ARHGAP17: variants seen among roughly 807,000 people sequenced by gnomAD.
ARHGAP17 encodes Rho GTPase activating protein 17.
ARHGAP17 carries 57 observed loss-of-function variants against 99.5 expected under a neutral mutation model. That is an observed-to-expected ratio of 0.57 (90% CI 0.46 to 0.71). ARHGAP17 has a LOEUF of 0.71. Ranked by LOEUF, ARHGAP17 falls within the 30% of genes least tolerant of loss-of-function variation. ARHGAP17 has a pLI of 0.00. For missense variants in ARHGAP17, 1,000 were observed against 1,122.4 expected (o/e 0.89, Z 1.56); for synonymous variants, 417 against 429.6 (o/e 0.97, Z 0.36).
intron 19 of ARHGAP17, among the ~76,000 whole-genome samples, chr16:24,928,290 A>AT (rs1361543414): frequency 6.6e-6 from 1 of 152,216 alleles, no homozygotes; most frequent in East Asian, 1.9e-4. Context: ...TAATACAAAG[A>AT]TAACTCTGGT....
chr16:24,939,921 C>G (rs2051265258), intron 16 of ARHGAP17: 1 of 344,606 alleles, frequency 2.9e-6, no homozygotes, highest in East Asian at 8.6e-5. Context: ...TTTTTTTCCC[C>G]CTTTAGACAT....
intron 1 of ARHGAP17, among the ~76,000 whole-genome samples, chr16:24,982,940 T>A (rs1488527125): frequency 1.0e-4 from 12 of 114,772 alleles, no homozygotes; most frequent in Non-Finnish European, 2.0e-4. Context: ...AGTGATCCAA[T>A]CATAAAAAAT....
intron 1 of ARHGAP17, among the ~76,000 whole-genome samples, chr16:24,993,935 C>A (rs1052925321): frequency 6.6e-6 from 1 of 152,172 alleles, no homozygotes; most frequent in Admixed American, 6.5e-5. Flanking sequence ...CATTTTGAAA[C>A]CTTCCAAACT....
In ARHGAP17 at chr16:24,995,955, TGG is replaced by T. The variant is rs548087521; in HGVS notation, c.54-16952_54-16951del. Among the ~76,000 whole-genome samples, 149 of 152,262 alleles carry T rather than the reference TGG, an allele frequency of 9.8e-4. 1 individual carries two copies. The highest frequency in any genetic ancestry group is 3.4e-3 in the Middle Eastern group (1 of 294). Reference sequence around the variant, plus strand: ...GTGGTCCAGGTTCACTTCAAACTCTTGGGCTCAAGCAATCCTCCCGCCTCAAC... The same window carrying T: ...GTGGTCCAGGTTCACTTCAAACTCTTGCTCAAGCAATCCTCCCGCCTCAAC... On this transcript the variant is annotated intron_variant, in intron 1 of 19. Coordinates refer to ENST00000289968, the MANE Select transcript of ARHGAP17 (RefSeq NM_001006634.3).
intron 17 of ARHGAP17, chr16:24,935,891 C>A: frequency 8.7e-6 from 4 of 458,068 alleles, no homozygotes; most frequent in Admixed American, 3.4e-5. Flanking sequence ...AGGTTGGTCT[C>A]AAATTTCTGG....
At chr16:24,953,161 T>C (rs1371424169) in intron 10 of ARHGAP17, 119 bp from the exon 11 acceptor site, 2 of 870,238 alleles carry the variant, frequency 2.3e-6, no homozygotes, top group East Asian at 2.6e-5. Context: ...GAAAGCAGTG[T>C]TACTGCCTGC....
At chr16:24,938,361 C>CAA (rs372920876) in intron 17 of ARHGAP17, among the ~76,000 whole-genome samples, 15 of 142,366 alleles carry the variant, frequency 1.1e-4, no homozygotes, top group African/African-American at 3.6e-4. Context: ...GGGACTGTCT[C>CAA]AAAAAAAAAA....
At chr16:25,013,084 C>T (rs931772782) in intron 1 of ARHGAP17, among the ~76,000 whole-genome samples, 3 of 152,162 alleles carry the variant, frequency 2.0e-5, no homozygotes, top group African/African-American at 7.2e-5. Flanking sequence ...AGTCACAGCA[C>T]AGAAAAGCAA....
chr16:24,935,730 G>A (rs1290375121), intron 17 of ARHGAP17, 91 bp from the exon 18 acceptor site: 1 of 1,379,598 alleles, frequency 7.2e-7, no homozygotes, highest in Admixed American at 1.8e-5. Flanking sequence ...TCCAAGCAGA[G>A]TTTTCACTTC....
intron 1 of ARHGAP17, among the ~76,000 whole-genome samples, chr16:24,996,757 A>C (rs2053204024): frequency 6.6e-6 from 1 of 152,182 alleles, no homozygotes; most frequent in Non-Finnish European, 1.5e-5. Context: ...GGAAAGATTG[A>C]AAGAGATAAT....
At chr16:24,954,950 TACCTAGATGGCAC>T in intron 9 of ARHGAP17, 2 of 545,006 alleles carry the variant, frequency 3.7e-6, no homozygotes, top group Non-Finnish European at 3.1e-6. Flanking sequence ...AGCCTGAGCG[TACCTAGATGGCAC>T]CAACTCAGGC....
At chr16:24,959,011 A>G (rs79298953) in intron 9 of ARHGAP17, among the ~76,000 whole-genome samples, 11 of 134,592 alleles carry the variant, frequency 8.2e-5, no homozygotes, top group Middle Eastern at 3.6e-3. Context: ...TTAGGGAGAG[A>G]AAAAAAAAAA....
chr16:24,978,359 C>A (rs1477838360), intron 2 of ARHGAP17, among the ~76,000 whole-genome samples: 1 of 152,174 alleles, frequency 6.6e-6, no homozygotes, highest in Non-Finnish European at 1.5e-5. Context: ...GGGCCCATGT[C>A]TACTGAGTTC....
rs559365784 is a variant in ARHGAP17 at position 25,004,290 on chromosome 16, C to A, written c.53+10919G>T. ...AAATTTGTTTAAAAATGATTGCTCA[C>A]GTTACATGCCCAGCGGAGTCCTCAC... On this transcript the variant is annotated intron_variant, in intron 1 of 19. Coordinates refer to ENST00000289968, the MANE Select transcript of ARHGAP17 (RefSeq NM_001006634.3). Among the ~76,000 whole-genome samples the A allele has an allele frequency of 2.0e-5, 3 of 152,280 alleles. No individual in the cohort carries two copies. In the East Asian group the frequency reaches 5.8e-4, roughly 29 times the overall value.
chr16:24,977,403 T>C (rs1267646752), intron 2 of ARHGAP17, 84 bp from the exon 3 acceptor site: 1 of 1,140,146 alleles, frequency 8.8e-7, no homozygotes, highest in Non-Finnish European at 1.2e-6. Flanking sequence ...CATGGCTGAA[T>C]CTACATGCAG....
At chr16:24,991,171 G>A (rs1205871474) in intron 1 of ARHGAP17, among the ~76,000 whole-genome samples, 3 of 152,156 alleles carry the variant, frequency 2.0e-5, no homozygotes, top group Admixed American at 6.5e-5. Flanking sequence ...AAGGCTAGAC[G>A]TTCACATGTG....
chr16:24,930,483 C>T (rs1028901724), intron 19 of ARHGAP17, among the ~76,000 whole-genome samples: 2 of 152,136 alleles, frequency 1.3e-5, no homozygotes, highest in Non-Finnish European at 2.9e-5. Context: ...AGTCAGGGGT[C>T]GGCAAACTTA....
intron 1 of ARHGAP17, among the ~76,000 whole-genome samples, chr16:24,998,040 C>A (rs868515396): frequency 6.6e-6 from 1 of 151,832 alleles, no homozygotes; most frequent in Non-Finnish European, 1.5e-5. Flanking sequence ...TGGGACACAG[C>A]GGAAGGAGAA....
rs1193522045 is a variant in ARHGAP17, at chr16:24,982,996, A to ATT, written c.54-3993_54-3992dup. Reference sequence around the variant, plus strand: ...TATATATATATATATATATATATATATTTTTTTTTTTTTTTTTTTTTTTTT... The same window carrying ATT: ...TATATATATATATATATATATATATATTTTTTTTTTTTTTTTTTTTTTTTTTT... On this transcript the variant is annotated intron_variant, in intron 1 of 19. Coordinates refer to ENST00000289968, the MANE Select transcript of ARHGAP17 (RefSeq NM_001006634.3). 1.5e-4 allele frequency among the ~76,000 whole-genome samples: 7 copies of ATT among 46,976 alleles called. 1 individual carries two copies. Among genetic ancestry groups the ATT allele is most frequent in the East Asian group, 1.5e-3 (3 of 2,042 alleles). 30.8% of individuals were successfully genotyped at this position (46,976 alleles called of 152,430 possible). A position where few individuals can be genotyped will look rare whatever the true frequency, so the allele number is the denominator to read the frequency against.
Sources: gnomAD v4.1 joint callset for allele counts (sites outside exome capture counted in the v4.1 genomes callset) on GRCh38, gnomAD v4.1.1 for gene constraint, MANE v1.5 for transcripts, NCBI Gene and HGNC (gene_info 2026-07-23, HGNC 2026-07-21) for gene names.